DNM3: variants seen among roughly 807,000 people sequenced by gnomAD.
The protein encoded by DNM3 is dynamin-3.
Under a neutral mutation model 101.6 loss-of-function variants are expected in DNM3, and 47 were observed. The observed-to-expected ratio is 0.46, with a 90% CI of 0.37 to 0.59. The LOEUF (loss-of-function observed/expected upper bound fraction) is 0.59, where lower values mean the gene tolerates loss of function less well. Ranked by LOEUF, DNM3 falls within the 20% of genes least tolerant of loss-of-function variation. The probability of loss-of-function intolerance (pLI) is 0.00; values close to 1 mark genes in which losing one functional copy is unlikely to be tolerated. For missense variants in DNM3, 849 were observed against 1,085.7 expected, an observed-to-expected ratio of 0.78 and a Z score of 3.06; for synonymous variants, 385 against 387.9, an observed-to-expected ratio of 0.99 and a Z score of 0.09.
chr1:171,936,486 T>G (rs113414956), intron 2 of DNM3, among the ~76,000 whole-genome samples: 1 of 152,202 alleles, frequency 6.6e-6, no homozygotes, highest in Non-Finnish European at 1.5e-5. Flanking sequence ...GCTACTATAT[T>G]GTTTACTCTG....
intron 14 of DNM3, among the ~76,000 whole-genome samples, chr1:172,253,128 G>A (rs924035512): frequency 6.6e-6 from 1 of 151,988 alleles, no homozygotes; most frequent in Admixed American, 6.6e-5. Context: ...AATCCATCTG[G>A]CATTTCTCAT....
chr1:172,093,588 C>G (rs1427638997), intron 13 of DNM3: 1 of 894,062 alleles, frequency 1.1e-6, no homozygotes, highest in African/African-American at 1.7e-5. Flanking sequence ...ATTGAAACCT[C>G]TGCTCTAGAT....
chr1:172,234,952 T>G lies in DNM3; in HGVS notation c.1660-18621T>G, dbSNP rs936573828. Among the ~76,000 whole-genome samples the G allele has an allele frequency of 3.3e-5, 5 of 152,308 alleles. No homozygotes were observed. In the South Asian group the frequency reaches 6.2e-4, roughly 19 times the overall value. ...GACACAGGCATGGGCAAGGACTTCA[T>G]GACTAAAACACCAAAAGCAATGGCA... is the stretch of plus-strand genomic sequence containing the variant. On this transcript the variant is annotated intron_variant, in intron 14 of 20. Coordinates refer to ENST00000627582, the MANE Select transcript of DNM3 (RefSeq NM_015569.5).
intron 15 of DNM3, among the ~76,000 whole-genome samples, chr1:172,258,212 C>A (rs1234277107): frequency 6.6e-6 from 1 of 152,064 alleles, no homozygotes; most frequent in African/African-American, 2.4e-5. Context: ...GATTCCATAT[C>A]TTTGCTATTG....
chr1:172,219,004 C>A (rs116630066), intron 14 of DNM3, among the ~76,000 whole-genome samples: 3,787 of 152,100 alleles, frequency 0.025, 71 homozygotes, highest in Middle Eastern at 0.088. Flanking sequence ...ATTATTTCAA[C>A]AAACTTGCCT....
chr1:172,200,471 T>C (rs913644627), intron 14 of DNM3, among the ~76,000 whole-genome samples: 5 of 152,300 alleles, frequency 3.3e-5, no homozygotes, highest in Admixed American at 2.6e-4. Flanking sequence ...TTGGTGAAGT[T>C]TTTATGGACA....
intron 17 of DNM3, among the ~76,000 whole-genome samples, chr1:172,352,341 T>C (rs926968816): frequency 6.6e-6 from 1 of 152,212 alleles, no homozygotes; most frequent in Non-Finnish European, 1.5e-5. Context: ...GTTGACTATT[T>C]GTAAAGTGAA....
At chr1:171,860,712 T>C (rs2034087015) in intron 1 of DNM3, among the ~76,000 whole-genome samples, 1 of 152,090 alleles carries the variant, frequency 6.6e-6, no homozygotes, top group African/African-American at 2.4e-5. Flanking sequence ...ATGGTATCTT[T>C]GATTAGGGAG....
In DNM3 at chr1:172,308,772, C is replaced by A; in HGVS notation, c.1814C>A (p.Ser605Tyr). ...CGCTTCCTTGAGCTGGCATGTGATT[C>A]CCAGGAGGATGTCGACAGCTGGAAG... Reference protein sequence around the residue: ...DYRFLELACDSQEDVDSWKAS... With the variant: ...DYRFLELACDYQEDVDSWKAS... Residue 605 changes from serine to tyrosine, a missense_variant, in exon 16 of 21, where the codon TCC becomes TAC. Ser to Tyr is a moderately radical substitution (Grantham distance 144). This residue lies in a region of DNM3 where 193 missense variants were observed against 238.4 expected (regional missense o/e 0.81). Transcript: ENST00000627582. The A allele has an allele frequency of 1.2e-6, 2 of 1,609,136 alleles. No individual in the cohort carries two copies. The highest frequency in any genetic ancestry group is 1.7e-6 in the Non-Finnish European group (2 of 1,177,970).
chr1:172,257,349 C>CAAAG (rs1373303192), intron 15 of DNM3, among the ~76,000 whole-genome samples: 1 of 152,084 alleles, frequency 6.6e-6, no homozygotes, highest in Non-Finnish European at 1.5e-5. Context: ...TATTTTATCA[C>CAAAG]ATGAGCATTA....
intron 11 of DNM3, among the ~76,000 whole-genome samples, chr1:172,079,597 C>A (rs2052967802): frequency 6.6e-6 from 1 of 152,086 alleles, no homozygotes; most frequent in Non-Finnish European, 1.5e-5. Context: ...TTTGTTATTA[C>A]CCACCTTGTG....
chr1:172,335,619 A>G (rs1450448755), intron 17 of DNM3, among the ~76,000 whole-genome samples: 2 of 152,196 alleles, frequency 1.3e-5, no homozygotes, highest in African/African-American at 4.8e-5. Flanking sequence ...CATAAAAAAG[A>G]GTGACATCAT....
In DNM3 at chr1:171,972,937, C is replaced by A. The variant is rs142197712; in HGVS notation, c.236-14719C>A. ...GGAAGAGGGTGGAGCAGAGTTCTCT[C>A]TCAATACCCTGAAGTTATTTGCACA... On this transcript the variant is annotated intron_variant, in intron 2 of 20. Coordinates refer to ENST00000627582, the MANE Select transcript of DNM3 (RefSeq NM_015569.5). 3.9e-3 allele frequency among the ~76,000 whole-genome samples: 598 copies of A among 152,280 alleles called. 16 individuals carry two copies. Among genetic ancestry groups the A allele is most frequent in the Admixed American group, 0.035 (541 of 15,294 alleles).
chr1:172,211,439 A>G (rs1452987193), intron 14 of DNM3, among the ~76,000 whole-genome samples: 1 of 152,124 alleles, frequency 6.6e-6, no homozygotes, highest in African/African-American at 2.4e-5. Context: ...ACATTCCAAA[A>G]TATGTGCAGT....
At chr1:172,113,620 C>CAA (rs34129992) in intron 13 of DNM3, among the ~76,000 whole-genome samples, 5,096 of 51,528 alleles carry the variant, frequency 0.099, 325 homozygotes, top group Non-Finnish European at 0.12. Flanking sequence ...AACTCTGTCT[C>CAA]AAAAAAAAAA....
chr1:171,999,149 A>C (rs564739142), intron 4 of DNM3, among the ~76,000 whole-genome samples: 54 of 152,072 alleles, frequency 3.6e-4, no homozygotes, highest in Non-Finnish European at 4.6e-4. Flanking sequence ...GAATGTAAGC[A>C]AGGAGACCAG....
chr1:172,170,560 A>G (rs1399018488), intron 14 of DNM3, among the ~76,000 whole-genome samples: 2 of 151,938 alleles, frequency 1.3e-5, no homozygotes, highest in African/African-American at 4.8e-5. Context: ...GAAATGAAAT[A>G]TAGTAAGAAC....
At chr1:171,969,289 C>T (rs567787642) in intron 2 of DNM3, among the ~76,000 whole-genome samples, 1 of 152,178 alleles carries the variant, frequency 6.6e-6, no homozygotes, top group Non-Finnish European at 1.5e-5. Flanking sequence ...TGCTAAAGTA[C>T]CCTCTTCACT....
At chr1:172,305,732 A>G (rs1479670493) in intron 15 of DNM3, among the ~76,000 whole-genome samples, 7 of 152,182 alleles carry the variant, frequency 4.6e-5, no homozygotes, top group Non-Finnish European at 8.8e-5. Context: ...TTCAACATAC[A>G]CAAATCAATA....
Sources: gnomAD v4.1 joint callset for allele counts (sites outside exome capture counted in the v4.1 genomes callset) on GRCh38, gnomAD v4.1.1 for gene constraint, gnomAD v4.1.1 regional missense constraint, MANE v1.5 for transcripts, NCBI Gene and HGNC (gene_info 2026-07-23, HGNC 2026-07-21) for gene names.